Variants in MTHFD1L observed in about 807,000 individuals in gnomAD.
The protein encoded by MTHFD1L is methylenetetrahydrofolate dehydrogenase (NADP+ dependent) 1 like.
A neutral mutation model predicts 119.5 loss-of-function variants in MTHFD1L; 81 were observed. The ratio of observed to expected loss-of-function variants is 0.68; its 90% CI spans 0.57 to 0.82. The LOEUF is 0.82. Ranked by LOEUF, MTHFD1L falls within the 40% of genes least tolerant of loss-of-function variation. MTHFD1L has a pLI of 0.00. For missense variants in MTHFD1L, 1,125 were observed against 1,253.4 expected (o/e 0.90, Z 1.55); for synonymous variants, 430 against 475.2 (o/e 0.90, Z 1.24).
chr6:150,924,044 G>T (rs983817333), intron 10 of MTHFD1L, among the ~76,000 whole-genome samples: 2 of 152,076 alleles, frequency 1.3e-5, no homozygotes, highest in African/African-American at 2.4e-5. Flanking sequence ...AAGTTTCAAA[G>T]TAAATTCTTC....
At position 150,926,004 on chromosome 6, in the gene MTHFD1L, G is replaced by A; in HGVS notation, c.1083-118G>A. 2.6e-6 allele frequency: 2 copies of A among 783,108 alleles called. No individual in the cohort carries two copies. The highest frequency in any genetic ancestry group is 4.0e-6 in the Non-Finnish European group (2 of 500,296). 48.5% of individuals were successfully genotyped at this position (783,108 alleles called of 1,614,324 possible). On this transcript the variant is annotated intron_variant, in intron 10 of 27. Transcript: ENST00000367321. This position sits in a 1 kb window ranked among gnomAD's most constrained non-coding sequence, Gnocchi z 4.3. ...GTGCTTATTACTGCCTGGGAGAAAG[G>A]ACCCCAAAGTAATTGCATTGATTTC...
At chr6:151,013,648 A>T (rs1782603401) in intron 21 of MTHFD1L, 131 bp from the exon 22 acceptor site, 2 of 829,220 alleles carry the variant, frequency 2.4e-6, no homozygotes, top group Admixed American at 4.7e-5. Context: ...GCTGCCAGCT[A>T]CTGTTTTAAA....
chr6:151,009,566 TG>T lies in MTHFD1L; in HGVS notation c.2126-250del, dbSNP rs374248707. On this transcript the variant is annotated intron_variant, in intron 20 of 27. Coordinates refer to ENST00000367321, the MANE Select transcript of MTHFD1L (RefSeq NM_015440.5). ...AAAAGCTTCACTGTGAGTTATGATATGGGAAGAAAAGTCTTGGCCTGGCCAC... is the reference window on the plus strand; with the variant it reads ...AAAAGCTTCACTGTGAGTTATGATATGGAAGAAAAGTCTTGGCCTGGCCAC... Among the ~76,000 whole-genome samples the T allele has an allele frequency of 1.3e-4, 19 of 151,558 alleles. 1 individual carries two copies. The East Asian group carries it at 1.9e-3, about 15-fold the overall frequency.
chr6:151,000,503 A>G (rs1048901598), intron 20 of MTHFD1L, among the ~76,000 whole-genome samples: 3 of 152,252 alleles, frequency 2.0e-5, no homozygotes, highest in Middle Eastern at 3.2e-3. Flanking sequence ...CCTAAAGAGC[A>G]GAAAGGATTT....
chr6:150,972,476 A>G (rs1291331852), intron 20 of MTHFD1L, among the ~76,000 whole-genome samples: 4 of 152,234 alleles, frequency 2.6e-5, no homozygotes, highest in African/African-American at 9.7e-5. Context: ...AAGGCATGTT[A>G]GCTAGGGATC....
intron 19 of MTHFD1L, among the ~76,000 whole-genome samples, chr6:150,968,684 AT>A (rs527899212): frequency 0.035 from 5,088 of 145,818 alleles, 233 homozygotes; most frequent in Admixed American, 0.15. Context: ...TAATTTTTGT[AT>A]TTTTTTTTTA....
chr6:151,010,191 G>T (rs186236034), intron 21 of MTHFD1L, among the ~76,000 whole-genome samples: 1 of 151,892 alleles, frequency 6.6e-6, no homozygotes, highest in African/African-American at 2.4e-5. Context: ...TAGTAAGTTC[G>T]AGTAAACAGT....
chr6:150,959,190 A>G (rs2128994820), intron 17 of MTHFD1L: 1 of 984,842 alleles, frequency 1.0e-6, no homozygotes, highest in East Asian at 1.1e-4. Flanking sequence ...TGACTAATGC[A>G]ATCTCAACCA....
intron 10 of MTHFD1L, among the ~76,000 whole-genome samples, chr6:150,922,517 A>G (rs923143818): frequency 6.7e-6 from 1 of 149,498 alleles, no homozygotes; most frequent in African/African-American, 2.5e-5. Flanking sequence ...CTAAGAAGGC[A>G]TATTTTTTTA....
chr6:150,945,359 T>G, intron 14 of MTHFD1L, 108 bp from the exon 15 acceptor site: 2 of 817,672 alleles, frequency 2.4e-6, no homozygotes, highest in Non-Finnish European at 4.0e-6. Context: ...GTCTTTTATC[T>G]AAATAGTTCG....
chr6:150,972,149 G>T, intron 20 of MTHFD1L, 91 bp downstream of exon 20: 1 of 1,124,178 alleles, frequency 8.9e-7, no homozygotes, highest in Non-Finnish European at 1.3e-6. Context: ...ATCCTGACAT[G>T]AAACATATTC....
intron 20 of MTHFD1L, among the ~76,000 whole-genome samples, chr6:151,002,592 T>C (rs540650858): frequency 6.6e-6 from 1 of 152,278 alleles, no homozygotes; most frequent in Admixed American, 6.5e-5. Context: ...AGTCACCTCA[T>C]CACTGTTTTT....
chr6:151,060,137 A>T (rs1790450994), intron 26 of MTHFD1L, among the ~76,000 whole-genome samples: 1 of 152,194 alleles, frequency 6.6e-6, no homozygotes, highest in Non-Finnish European at 1.5e-5. Context: ...AAGGTATAGG[A>T]CCATGTGGAA....
chr6:151,047,387 T>G (rs528589008), intron 26 of MTHFD1L, among the ~76,000 whole-genome samples: 5 of 152,354 alleles, frequency 3.3e-5, no homozygotes, highest in African/African-American at 1.2e-4. Flanking sequence ...CTCACTGGTA[T>G]AAAATCAGGG....
chr6:151,091,386 G>T (rs867922534), intron 26 of MTHFD1L, among the ~76,000 whole-genome samples: 1 of 152,186 alleles, frequency 6.6e-6, no homozygotes, highest in East Asian at 1.9e-4. Context: ...GGAGCCCCAG[G>T]ATCTAGACCC....
intron 24 of MTHFD1L, among the ~76,000 whole-genome samples, chr6:151,028,204 G>A (rs1562561822): frequency 6.6e-6 from 1 of 152,154 alleles, no homozygotes; most frequent in Non-Finnish European, 1.5e-5. Flanking sequence ...CCTACAGGAA[G>A]TAAACCACAA....
chr6:150,965,436 G>A (rs1771801), intron 19 of MTHFD1L, among the ~76,000 whole-genome samples: 71,432 of 151,478 alleles, frequency 0.47, 17,719 homozygotes, highest in South Asian at 0.59. Flanking sequence ...CGAGGTGGGC[G>A]GATTATGAGG....
At chr6:150,941,606 T>G (rs1345477430) in intron 13 of MTHFD1L, among the ~76,000 whole-genome samples, 1 of 152,094 alleles carries the variant, frequency 6.6e-6, no homozygotes, top group African/African-American at 2.4e-5. Context: ...TAAGATTTGT[T>G]TGCTGATGTT....
At chr6:150,983,931 C>T (rs1414734100) in intron 20 of MTHFD1L, among the ~76,000 whole-genome samples, 2 of 152,206 alleles carry the variant, frequency 1.3e-5, no homozygotes, top group East Asian at 3.9e-4. Context: ...CCACTACACC[C>T]AGCCAATTGT....
Sources: gnomAD v4.1 joint callset for allele counts (sites outside exome capture counted in the v4.1 genomes callset) on GRCh38, gnomAD v4.1.1 for gene constraint, Gnocchi (gnomAD v3.1) non-coding constraint, MANE v1.5 for transcripts, NCBI Gene and HGNC (gene_info 2026-07-23, HGNC 2026-07-21) for gene names.